RAB31: variants seen among roughly 807,000 people sequenced by gnomAD.
RAB31 encodes the protein RAB31, member RAS oncogene family, also known as ras-related protein Rab-31.
RAB31 carries 21 observed loss-of-function variants against 25.6 expected under a neutral mutation model. The observed-to-expected ratio is 0.82, with a 90% confidence interval of 0.58 to 1.18. The LOEUF (loss-of-function observed/expected upper bound fraction) is 1.18, where lower values mean the gene tolerates loss of function less well. Among genes scored for constraint, RAB31 ranks in the 50% most tolerant of loss-of-function variants. RAB31 has a pLI of 0.00. For missense variants in RAB31, 196 were observed against 250.1 expected, an observed-to-expected ratio of 0.78 and a Z score of 1.46; for synonymous variants, 87 against 84.0, an observed-to-expected ratio of 1.04 and a Z score of -0.20.
intron 1 of RAB31, among the ~76,000 whole-genome samples, chr18:9,736,951 A>T (rs1442945413): frequency 6.6e-6 from 1 of 152,172 alleles, no homozygotes; most frequent in Non-Finnish European, 1.5e-5. Flanking sequence ...TTTTGTTTTC[A>T]AATATGTATT....
At position 9,861,497 on chromosome 18, in the gene RAB31, G is replaced by T. The variant is rs878873849; in HGVS notation, c.*2172G>T. ...CTCAGAGTAGTCAGTGAAGAGAGTA[G>T]ATCACACTTGGGCACACCAGGATTC... On this transcript the variant is annotated 3_prime_UTR_variant, in exon 7 of 7. Coordinates refer to ENST00000578921, the MANE Select transcript of RAB31 (RefSeq NM_006868.4). 4 of 152,120 alleles carry T rather than the reference G, an allele frequency of 2.6e-5. No individual in the cohort carries two copies. In the South Asian group the frequency reaches 8.3e-4, roughly 32 times the overall value. 9.4% of individuals were successfully genotyped at this position (152,120 alleles called of 1,614,324 possible). A position where few individuals can be genotyped will look rare whatever the true frequency, so the allele number is the denominator to read the frequency against.
At position 9,768,348 on chromosome 18, in the gene RAB31, C is replaced by G. The variant is rs184127623; in HGVS notation, c.40-6930C>G. 2.4e-4 allele frequency among the ~76,000 whole-genome samples: 37 copies of G among 152,310 alleles called. 1 individual carries two copies. The East Asian group carries it at 6.0e-3, about 25-fold the overall frequency. ...TAAAAGCATTCCTATTTCTCCACAT[C>G]CTCTTCAGCATCTGTTGTTTCCTGA... On this transcript the variant is annotated intron_variant, in intron 1 of 6. Transcript: ENST00000578921.
chr18:9,792,126 T>C, intron 2 of RAB31, 28 bp from the exon 3 acceptor site: 1 of 1,593,290 alleles, frequency 6.3e-7, no homozygotes, highest in South Asian at 1.1e-5. Context: ...AATGCAGTAA[T>C]GTGGAGATGC....
chr18:9,811,771 A>G (rs147979827), intron 3 of RAB31, among the ~76,000 whole-genome samples: 3 of 152,350 alleles, frequency 2.0e-5, no homozygotes, highest in African/African-American at 7.2e-5. Context: ...TTAACCACAT[A>G]ATAAATGATA....
At chr18:9,816,749 C>G (rs1359631235) in intron 5 of RAB31, among the ~76,000 whole-genome samples, 6 of 152,146 alleles carry the variant, frequency 3.9e-5, no homozygotes, top group Admixed American at 3.9e-4. Context: ...TAAATAAATA[C>G]ATTATTTAAA....
chr18:9,777,255 G>A (rs1409581156), intron 2 of RAB31, among the ~76,000 whole-genome samples: 1 of 152,096 alleles, frequency 6.6e-6, no homozygotes, highest in East Asian at 1.9e-4. Flanking sequence ...GCAAGAGAAG[G>A]TGGTGGTTGC....
At position 9,766,364 on chromosome 18, in the gene RAB31, T is replaced by A. The variant is rs2068316141; in HGVS notation, c.40-8914T>A. Among the ~76,000 whole-genome samples the A allele has an allele frequency of 6.6e-6, 1 of 151,728 alleles. No individual in the cohort carries two copies. Among genetic ancestry groups the A allele is most frequent in the African/African-American group, 2.4e-5 (1 of 41,402 alleles). ...GAGCCAGGCAAGCGTGGCACTGCCC[T>A]CATTACTATGCACTGCCTTCGCTTG... On this transcript the variant is annotated intron_variant, in intron 1 of 6. Transcript: ENST00000578921. This position sits in a 1 kb window ranked among gnomAD's most constrained non-coding sequence, Gnocchi z 4.3.
chr18:9,712,319 C>T (rs1432591409), intron 1 of RAB31, among the ~76,000 whole-genome samples: 1 of 152,208 alleles, frequency 6.6e-6, no homozygotes, highest in Non-Finnish European at 1.5e-5. Context: ...CACATGGGGA[C>T]AGCCCAGCAA....
At chr18:9,760,936 C>G (rs111444665) in intron 1 of RAB31, among the ~76,000 whole-genome samples, 5 of 152,034 alleles carry the variant, frequency 3.3e-5, no homozygotes, top group Non-Finnish European at 7.4e-5. Context: ...GTTTTAATGG[C>G]TACTCAAAGC....
chr18:9,780,836 T>C (rs1222182234), intron 2 of RAB31, among the ~76,000 whole-genome samples: 1 of 151,960 alleles, frequency 6.6e-6, no homozygotes, highest in Non-Finnish European at 1.5e-5. Flanking sequence ...GAGGCTGAGG[T>C]AGGAGAATCG....
At chr18:9,856,374 G>T (rs1052275535) in intron 6 of RAB31, 1 of 151,892 alleles carries the variant, frequency 6.6e-6, no homozygotes, top group Non-Finnish European at 1.5e-5. Flanking sequence ...GACCTTCCTG[G>T]CATCCTACTT....
intron 1 of RAB31, among the ~76,000 whole-genome samples, chr18:9,732,442 CAT>C (rs1243040405): frequency 2.0e-5 from 3 of 152,234 alleles, no homozygotes; most frequent in African/African-American, 7.2e-5. Context: ...CCTGTGGTGA[CAT>C]TAGTTCATGC....
intron 5 of RAB31, chr18:9,830,207 G>C (rs770218319): frequency 2.6e-5 from 4 of 151,988 alleles, no homozygotes; most frequent in Non-Finnish European, 5.9e-5. Context: ...AGATGGGGGT[G>C]TTGCTATATT....
At chr18:9,835,483 A>G (rs539029195) in intron 5 of RAB31, among the ~76,000 whole-genome samples, 1 of 152,302 alleles carries the variant, frequency 6.6e-6, no homozygotes, top group South Asian at 2.1e-4. Context: ...TATGTTTTCC[A>G]TGAGAAACAA....
At position 9,844,014 on chromosome 18, in the gene RAB31, C is replaced by G. The variant is rs557189206; in HGVS notation, c.381-1568C>G. Among the ~76,000 whole-genome samples, 14 of 152,316 alleles carry G rather than the reference C, an allele frequency of 9.2e-5. No homozygotes were observed. In the East Asian group the frequency reaches 2.1e-3, roughly 23 times the overall value. On this transcript the variant is annotated intron_variant, in intron 5 of 6. Transcript: ENST00000578921. ...GGGAGGTGGGCGCTCTCCCATCACT[C>G]TCTGTCCCTGTTTTGATTTTGTGTC...
At chr18:9,725,565 G>T (rs561506933) in intron 1 of RAB31, among the ~76,000 whole-genome samples, 16 of 152,258 alleles carry the variant, frequency 1.1e-4, no homozygotes, top group African/African-American at 3.9e-4. Flanking sequence ...AGTTATTTTT[G>T]TTATTGTTAT....
At chr18:9,741,547 G>A (rs772882976) in intron 1 of RAB31, among the ~76,000 whole-genome samples, 10 of 152,110 alleles carry the variant, frequency 6.6e-5, no homozygotes, top group Non-Finnish European at 1.3e-4. Flanking sequence ...TGCCAGCCAC[G>A]CACCATCTGT....
intron 1 of RAB31, among the ~76,000 whole-genome samples, chr18:9,730,324 T>C (rs563577208): frequency 2.0e-4 from 31 of 151,846 alleles, no homozygotes; most frequent in African/African-American, 7.3e-4. Flanking sequence ...TCTTGCTCTG[T>C]TGCCCGGGCT....
intron 2 of RAB31, among the ~76,000 whole-genome samples, chr18:9,785,526 A>G (rs1030852561): frequency 2.0e-5 from 3 of 152,204 alleles, no homozygotes; most frequent in African/African-American, 7.2e-5. Context: ...AACCCTTGTT[A>G]TAATCTTGGG....
Sources: allele counts gnomAD v4.1 joint callset (sites outside exome capture counted in the v4.1 genomes callset), GRCh38; gene constraint gnomAD v4.1.1; non-coding constraint Gnocchi (gnomAD v3.1); transcripts MANE v1.5; gene names NCBI Gene and HGNC (gene_info 2026-07-23, HGNC 2026-07-21).